The following PTPRD variants were observed in gnomAD, a reference collection of about 807,000 sequenced individuals.
PTPRD encodes protein tyrosine phosphatase receptor type D.
PTPRD carries 34 observed loss-of-function variants against 214.5 expected under a neutral mutation model. That is an observed-to-expected ratio of 0.16 (90% CI 0.12 to 0.21). The LOEUF (loss-of-function observed/expected upper bound fraction) is 0.21. Among genes scored for constraint, PTPRD ranks in the 10% least tolerant of loss-of-function variants. The pLI is 1.00. For missense variants in PTPRD, 2,545 were observed against 2,398.7 expected, an observed-to-expected ratio of 1.06 and a Z score of -1.27; for synonymous variants, 1,128 against 845.7, an observed-to-expected ratio of 1.33 and a Z score of -5.79.
At chr9:9,432,750 C>G (rs1476599698) in intron 8 of PTPRD, among the ~76,000 whole-genome samples, 1 of 152,160 alleles carries the variant, frequency 6.6e-6, no homozygotes, top group African/African-American at 2.4e-5. Flanking sequence ...AATGAAGCCA[C>G]TTTAATACCT....
chr9:9,947,587 TATATATATAATATATATATTTTA>T (rs2092933255), intron 4 of PTPRD, among the ~76,000 whole-genome samples: 1 of 49,772 alleles, frequency 2.0e-5, no homozygotes, highest in Non-Finnish European at 3.2e-5. Flanking sequence ...ATATATATAT[TATATATATAATATATATATTTTA>T]TATATATATA....
chr9:9,455,422 T>C (rs538183049), intron 8 of PTPRD, among the ~76,000 whole-genome samples: 107 of 151,708 alleles, frequency 7.1e-4, no homozygotes, highest in Non-Finnish European at 1.2e-3. Flanking sequence ...TTATGTAAAA[T>C]ATAACATCAT....
chr9:8,377,758 ATAAAGCATTAT>A (rs1181974655), intron 37 of PTPRD, among the ~76,000 whole-genome samples: 11 of 152,132 alleles, frequency 7.2e-5, no homozygotes, highest in Admixed American at 2.0e-4. Context: ...AACAAAGGCA[ATAAAGCATTAT>A]TATTAGAGAC....
intron 8 of PTPRD, among the ~76,000 whole-genome samples, chr9:9,465,538 C>G (rs1265585762): frequency 1.3e-5 from 2 of 152,152 alleles, no homozygotes; most frequent in African/African-American, 4.8e-5. Context: ...AGAATTCATA[C>G]TGGAAAACAA....
At chr9:9,452,060 C>G (rs2145316373) in intron 8 of PTPRD, among the ~76,000 whole-genome samples, 1 of 151,444 alleles carries the variant, frequency 6.6e-6, no homozygotes, top group South Asian at 2.1e-4. Flanking sequence ...CCAGAAAGCC[C>G]AAAATGTCTC....
At chr9:9,869,870 A>C (rs1005244119) in intron 5 of PTPRD, among the ~76,000 whole-genome samples, 3 of 152,094 alleles carry the variant, frequency 2.0e-5, no homozygotes, top group Non-Finnish European at 4.4e-5. Context: ...AAAATACAGC[A>C]GAGATTGAGA....
Position 8,934,434 on chromosome 9 carries a change from TAAATATATATATAA to T in PTPRD, c.-104+84249_-104+84262del, listed in dbSNP as rs2098976704. Among the ~76,000 whole-genome samples, 10 of 53,978 alleles carry T rather than the reference TAAATATATATATAA, an allele frequency of 1.9e-4. No individual in the cohort carries two copies. In the South Asian group the frequency reaches 2.4e-3, roughly 13 times the overall value. The allele number at this position is 53,978 out of a possible 152,430, so 35.4% of individuals were successfully genotyped here. On this transcript the variant is annotated intron_variant, in intron 11 of 45. Transcript: ENST00000381196. ...GTGTGTGTGTGTGTATATATATATA[TAAATATATATATAA>T]ATTTATATATATATAAATATATATA...
chr9:9,098,715 C>T (rs1449843240), intron 10 of PTPRD, among the ~76,000 whole-genome samples: 2 of 152,058 alleles, frequency 1.3e-5, no homozygotes, highest in Non-Finnish European at 2.9e-5. Context: ...ATCTTACACG[C>T]TATTGGAGAA....
At chr9:9,691,432 C>A (rs1236694204) in intron 7 of PTPRD, among the ~76,000 whole-genome samples, 1 of 151,978 alleles carries the variant, frequency 6.6e-6, no homozygotes, top group African/African-American at 2.4e-5. Context: ...TGATGACCTC[C>A]AGTTCTATCC....
chr9:9,536,679 G>A (rs2076580338), intron 8 of PTPRD, among the ~76,000 whole-genome samples: 1 of 151,980 alleles, frequency 6.6e-6, no homozygotes, highest in South Asian at 2.1e-4. Flanking sequence ...TTTAGTCTAA[G>A]CCTACATCAG....
At chr9:9,114,416 A>C (rs886207355) in intron 10 of PTPRD, among the ~76,000 whole-genome samples, 1 of 152,186 alleles carries the variant, frequency 6.6e-6, no homozygotes, top group South Asian at 2.1e-4. Flanking sequence ...CAGGGCTTGT[A>C]CAACATGTAA....
chr9:8,521,597 G>A (rs1244190327), intron 19 of PTPRD, 51 bp from the exon 20 acceptor site: 2 of 1,581,364 alleles, frequency 1.3e-6, no homozygotes, highest in Middle Eastern at 1.7e-4. Context: ...AAGAAAAAGT[G>A]GATTATTAAA....
intron 4 of PTPRD, among the ~76,000 whole-genome samples, chr9:9,968,545 T>C (rs565086193): frequency 2.6e-5 from 4 of 152,278 alleles, no homozygotes; most frequent in African/African-American, 9.6e-5. Flanking sequence ...CAGAGAATGC[T>C]GTACTTTGGG....
At chr9:9,985,236 G>A (rs111812667) in intron 4 of PTPRD, among the ~76,000 whole-genome samples, 9 of 152,194 alleles carry the variant, frequency 5.9e-5, no homozygotes, top group African/African-American at 1.2e-4. Flanking sequence ...CCTCTTGTGC[G>A]TACTTTTCCC....
At chr9:10,497,075 C>G (rs7855545) in intron 2 of PTPRD, among the ~76,000 whole-genome samples, 38,217 of 151,752 alleles carry the variant, frequency 0.25, 5,118 homozygotes, top group Middle Eastern at 0.41. Flanking sequence ...TATGTTCTTA[C>G]TTATAAATAG....
At chr9:10,429,082 TTTTAAA>T (rs1482629080) in intron 2 of PTPRD, among the ~76,000 whole-genome samples, 3 of 152,026 alleles carry the variant, frequency 2.0e-5, no homozygotes, top group East Asian at 1.9e-4. Context: ...AAATTTATGT[TTTTAAA>T]TTTAAATTTA....
chr9:8,755,753 A>T (rs750768784), intron 11 of PTPRD, among the ~76,000 whole-genome samples: 11 of 152,188 alleles, frequency 7.2e-5, no homozygotes, highest in Non-Finnish European at 1.5e-4. Flanking sequence ...TAAATTGATC[A>T]CTAAGAATAA....
intron 35 of PTPRD, among the ~76,000 whole-genome samples, chr9:8,420,781 A>G (rs2094302022): frequency 6.6e-6 from 1 of 151,754 alleles, no homozygotes; most frequent in African/African-American, 2.4e-5. Flanking sequence ...GCTTTGAGAC[A>G]TGAATACTAC....
At chr9:8,502,392 C>T (rs906771292) in intron 23 of PTPRD, among the ~76,000 whole-genome samples, 8 of 152,128 alleles carry the variant, frequency 5.3e-5, no homozygotes, top group Admixed American at 2.6e-4. Context: ...CTTAACATTA[C>T]GGAGTGCCAG....
Sources: allele counts gnomAD v4.1 joint callset (sites outside exome capture counted in the v4.1 genomes callset), GRCh38; gene constraint gnomAD v4.1.1; transcripts MANE v1.5; gene names NCBI Gene and HGNC (gene_info 2026-07-23, HGNC 2026-07-21).